Variants in PDE10A observed in about 807,000 individuals in gnomAD.
The protein encoded by PDE10A is cAMP and cAMP-inhibited cGMP 3',5'-cyclic phosphodiesterase 10A.
A neutral mutation model predicts 97.7 loss-of-function variants in PDE10A; 39 were observed. The ratio of observed to expected loss-of-function variants is 0.40; its 90% CI spans 0.31 to 0.52. The LOEUF is 0.52. Among genes scored for constraint, PDE10A ranks in the 20% least tolerant of loss-of-function variants. PDE10A has a pLI of 0.56. For missense variants in PDE10A, 731 were observed against 1,047.8 expected (o/e 0.70, Z 4.17); for synonymous variants, 371 against 376.8 (o/e 0.98, Z 0.18).
chr6:165,463,325 T>A (rs924171500), intron 3 of PDE10A, among the ~76,000 whole-genome samples: 15 of 152,284 alleles, frequency 9.9e-5, no homozygotes, highest in Middle Eastern at 3.4e-3. Flanking sequence ...GATCAAAATT[T>A]GGGAAAGAAT....
intron 1 of PDE10A, among the ~76,000 whole-genome samples, chr6:165,955,778 C>T (rs1289693641): frequency 1.3e-5 from 2 of 152,192 alleles, no homozygotes; most frequent in African/African-American, 4.8e-5. Context: ...GTAGTGCAAA[C>T]AGGATACTAT....
intron 16 of PDE10A, among the ~76,000 whole-genome samples, chr6:165,392,080 C>T (rs140575546): frequency 6.6e-6 from 1 of 152,312 alleles, no homozygotes; most frequent in African/African-American, 2.4e-5. Flanking sequence ...AGCATTTAGC[C>T]TGGCTTTCAA....
chr6:165,725,335 C>G (rs986024614), intron 1 of PDE10A, among the ~76,000 whole-genome samples: 5 of 152,222 alleles, frequency 3.3e-5, no homozygotes, highest in South Asian at 2.1e-4. Flanking sequence ...AAAGAGCGCC[C>G]TGTAACACAC....
chr6:165,382,268 C>A (rs560220403), intron 17 of PDE10A, among the ~76,000 whole-genome samples: 25 of 152,264 alleles, frequency 1.6e-4, no homozygotes, highest in African/African-American at 6.0e-4. Context: ...CTCCTTCCAG[C>A]CCTTAATCAT....
chr6:165,473,347 T>C (rs1045599244), intron 3 of PDE10A, among the ~76,000 whole-genome samples: 2 of 152,122 alleles, frequency 1.3e-5, no homozygotes, highest in Non-Finnish European at 2.9e-5. Context: ...CTCTTGAAAA[T>C]GCAAGTAGAA....
At chr6:165,983,983 C>T (rs980544033) in intron 1 of PDE10A, among the ~76,000 whole-genome samples, 2 of 152,232 alleles carry the variant, frequency 1.3e-5, no homozygotes, top group Admixed American at 6.5e-5. Context: ...AGATGTGCTC[C>T]CGCCACTGCA....
At chr6:165,535,977 T>C (rs935090820) in intron 2 of PDE10A, among the ~76,000 whole-genome samples, 1 of 151,904 alleles carries the variant, frequency 6.6e-6, no homozygotes, top group African/African-American at 2.4e-5. Flanking sequence ...TTAAAATTCA[T>C]ATAGAAACAA....
chr6:165,762,910 T>C (rs771305946), intron 1 of PDE10A, among the ~76,000 whole-genome samples: 1 of 149,462 alleles, frequency 6.7e-6, no homozygotes, highest in Non-Finnish European at 1.5e-5. Flanking sequence ...CATGTAGAGA[T>C]AGAGAATAGG....
chr6:165,428,300 T>C (rs1484869408), intron 10 of PDE10A, among the ~76,000 whole-genome samples: 1 of 152,092 alleles, frequency 6.6e-6, no homozygotes, highest in Admixed American at 6.6e-5. Flanking sequence ...GAGAGAGGAA[T>C]AATTAAGACT....
intron 1 of PDE10A, among the ~76,000 whole-genome samples, chr6:165,761,884 T>G (rs959987589): frequency 6.6e-6 from 1 of 152,222 alleles, no homozygotes; most frequent in Non-Finnish European, 1.5e-5. Context: ...GCAAATGATA[T>G]TCTCTGTAAT....
At chr6:165,666,828 A>G (rs9459470), upstream of PDE10A, among the ~76,000 whole-genome samples, 28,346 of 152,146 alleles carry the variant, frequency 0.19, 3,024 homozygotes, top group Admixed American at 0.25. Context: ...GTTAATGCGC[A>G]TGTAATTTGC....
intron 1 of PDE10A, among the ~76,000 whole-genome samples, chr6:165,689,866 T>G (rs1791223607): frequency 6.6e-6 from 1 of 152,188 alleles, no homozygotes; most frequent in Non-Finnish European, 1.5e-5. Flanking sequence ...ACTCAGAGAA[T>G]GTTCATACCC....
At chr6:165,932,674 G>A (rs1783175347) in intron 1 of PDE10A, among the ~76,000 whole-genome samples, 1 of 152,022 alleles carries the variant, frequency 6.6e-6, no homozygotes, top group Non-Finnish European at 1.5e-5. Flanking sequence ...GTTTCACCAT[G>A]TTGGTCAGGC....
At chr6:165,889,163 C>T (rs1445649439) in intron 1 of PDE10A, among the ~76,000 whole-genome samples, 1 of 152,168 alleles carries the variant, frequency 6.6e-6, no homozygotes, top group Non-Finnish European at 1.5e-5. Context: ...AATATTTTTG[C>T]TGCTACCCCT....
rs1407206549 is a variant in PDE10A, at chr6:165,661,912, C to T, written c.865+35G>A. 4.8e-6 allele frequency: 4 copies of T among 828,956 alleles called. No individual in the cohort carries two copies. In the East Asian group the frequency reaches 1.2e-4, roughly 24 times the overall value. The allele number at this position is 828,956 out of a possible 1,614,324, so 51.4% of individuals were successfully genotyped here. ...CCTGCCCCCAGGGGATGAGGAGCCG[C>T]CCCACCTCCGGGGAACGGGGAGCAG... is the stretch of plus-strand genomic sequence containing the variant. On this transcript the variant is annotated intron_variant, in intron 1 of 21. Transcript: ENST00000539869. The surrounding 1 kb of genome is among the most constrained non-coding windows in gnomAD (Gnocchi z 4.8).
At chr6:165,353,538 A>G (rs1782832824) in intron 18 of PDE10A, among the ~76,000 whole-genome samples, 1 of 152,340 alleles carries the variant, frequency 6.6e-6, no homozygotes, top group Non-Finnish European at 1.5e-5. Flanking sequence ...ACACAATGCA[A>G]TATTATTCAA....
intron 1 of PDE10A, among the ~76,000 whole-genome samples, chr6:165,757,896 T>C (rs1793154464): frequency 6.6e-6 from 1 of 152,238 alleles, no homozygotes; most frequent in South Asian, 2.1e-4. Flanking sequence ...GATTTTTTTC[T>C]GAAAATATGA....
chr6:165,931,728 T>C (rs9459541), intron 1 of PDE10A, among the ~76,000 whole-genome samples: 47,026 of 152,124 alleles, frequency 0.31, 8,216 homozygotes, highest in African/African-American at 0.46. Context: ...ATGAAATGGC[T>C]GTATTGTAAA....
intron 1 of PDE10A, among the ~76,000 whole-genome samples, chr6:165,834,622 G>A (rs1191768291): frequency 1.3e-5 from 2 of 152,260 alleles, no homozygotes; most frequent in Admixed American, 6.5e-5. Flanking sequence ...TATTTGCCTT[G>A]CTCTGCCACA....
Sources: allele counts gnomAD v4.1 joint callset (sites outside exome capture counted in the v4.1 genomes callset), GRCh38; gene constraint gnomAD v4.1.1; non-coding constraint Gnocchi (gnomAD v3.1); transcripts MANE v1.5; gene names NCBI Gene and HGNC (gene_info 2026-07-23, HGNC 2026-07-21).